Variants in GATA4 observed in about 807,000 individuals in gnomAD.
GATA4 encodes GATA binding protein 4.
A neutral mutation model predicts 37.9 loss-of-function variants in GATA4; 7 were observed. That is an observed-to-expected ratio of 0.18 (90% CI 0.11 to 0.35). GATA4 has a LOEUF of 0.35. GATA4 is among the 10% of genes least tolerant of loss of function. GATA4 has a pLI of 1.00. For synonymous variants in GATA4, 372 were observed against 292.6 expected, an observed-to-expected ratio of 1.27 and a Z score of -2.77; for missense variants, 647 against 653.0, an observed-to-expected ratio of 0.99 and a Z score of 0.10.
chr8:11,739,035 T>G (rs1032671855), intron 2 of GATA4, among the ~76,000 whole-genome samples: 1 of 152,190 alleles, frequency 6.6e-6, no homozygotes, highest in Non-Finnish European at 1.5e-5. Context: ...TGAGCCCAGA[T>G]GGGGATGCCA....
At chr8:11,691,915 GAAA>G, upstream of GATA4, 1 of 525,236 alleles carries the variant, frequency 1.9e-6, no homozygotes, top group Non-Finnish European at 2.4e-6. Flanking sequence ...AAAGAGGGAA[GAAA>G]AAAAAAAAAT....
At chr8:11,743,156 T>C (rs1333861226) in intron 2 of GATA4, among the ~76,000 whole-genome samples, 2 of 152,252 alleles carry the variant, frequency 1.3e-5, no homozygotes, top group African/African-American at 4.8e-5. Flanking sequence ...GGCACCACTG[T>C]GAGGCCCAGG....
chr8:11,701,537 G>T (rs1799676679), upstream of GATA4, among the ~76,000 whole-genome samples: 2 of 152,170 alleles, frequency 1.3e-5, no homozygotes, highest in South Asian at 4.1e-4. Context: ...CCCCGCTCCT[G>T]GCAACGCACA....
intron 2 of GATA4, among the ~76,000 whole-genome samples, chr8:11,732,969 C>G (rs936049832): frequency 2.6e-5 from 4 of 152,152 alleles, no homozygotes; most frequent in Admixed American, 1.3e-4. Flanking sequence ...CTCCAAATAC[C>G]ATCACATGTG....
chr8:11,691,843 A>T (rs985611063), upstream of GATA4, among the ~76,000 whole-genome samples: 18 of 152,256 alleles, frequency 1.2e-4, no homozygotes, highest in East Asian at 3.9e-4. Flanking sequence ...GTTTCCCAGT[A>T]CTTAAGGCAC....
chr8:11,711,977 A>C (rs1236694273), intron 2 of GATA4, among the ~76,000 whole-genome samples: 2 of 152,072 alleles, frequency 1.3e-5, no homozygotes, highest in Non-Finnish European at 2.9e-5. Flanking sequence ...ACAGGGTTTT[A>C]AAGTTGGGCA....
intron 2 of GATA4, among the ~76,000 whole-genome samples, chr8:11,737,503 C>T (rs924629008): frequency 6.6e-6 from 1 of 152,244 alleles, no homozygotes; most frequent in African/African-American, 2.4e-5. Context: ...ACTAGCCCAG[C>T]TTAAGTCTCC....
At position 11,708,970 on chromosome 8, in the gene GATA4, C is replaced by CGCGTG; in HGVS notation, c.616+42_616+43insGCGTG. The CGCGTG allele has an allele frequency of 6.6e-7, 1 of 1,506,522 alleles. No homozygotes were observed. Among genetic ancestry groups the CGCGTG allele is most frequent in the South Asian group, 1.2e-5 (1 of 81,242 alleles). 93.3% of individuals were successfully genotyped at this position (1,506,522 alleles called of 1,614,324 possible). A position where few individuals can be genotyped will look rare whatever the true frequency, so the allele number is the denominator to read the frequency against. On this transcript the variant is annotated intron_variant, in intron 2 of 6. Coordinates refer to ENST00000532059, the MANE Select transcript of GATA4 (RefSeq NM_001308093.3). This position sits in a 1 kb window ranked among gnomAD's most constrained non-coding sequence, Gnocchi z 6.7. ...GGGCTGGGGCGCGTGAGGGCCGGGG[C>CGCGTG]AGGGGCCGTCTTGAGCCCTGTCGAG...
chr8:11,706,598 G>A (rs777810573), intron 1 of GATA4, among the ~76,000 whole-genome samples: 9 of 152,316 alleles, frequency 5.9e-5, no homozygotes, highest in South Asian at 4.1e-4. Flanking sequence ...TGTTTATTCC[G>A]TAAGTCTCAG....
intron 1 of GATA4, among the ~76,000 whole-genome samples, chr8:11,686,214 C>CT (rs1175758331): frequency 5.6e-4 from 66 of 118,470 alleles, no homozygotes; most frequent in Middle Eastern, 4.2e-3. Flanking sequence ...TGTACTGGGT[C>CT]TGTTTTTTTT....
chr8:11,679,914 T>A (rs1020102995), intron 1 of GATA4, among the ~76,000 whole-genome samples: 6 of 152,204 alleles, frequency 3.9e-5, no homozygotes, highest in African/African-American at 1.4e-4. Flanking sequence ...TAATCCCTGT[T>A]GTGTGTCGCC....
chr8:11,681,098 C>T (rs994424154), intron 1 of GATA4: 2 of 979,138 alleles, frequency 2.0e-6, no homozygotes, highest in African/African-American at 3.5e-5. Flanking sequence ...GGGTGGCGCC[C>T]CAGGCTCGCA....
chr8:11,753,935 C>A (rs1210179737), intron 4 of GATA4, among the ~76,000 whole-genome samples: 5 of 152,166 alleles, frequency 3.3e-5, no homozygotes, highest in Admixed American at 6.5e-5. Context: ...CAGTCCTGCT[C>A]CCCAGGACTG....
At chr8:11,701,979 C>T (rs1267674407), upstream of GATA4, among the ~76,000 whole-genome samples, 1 of 152,198 alleles carries the variant, frequency 6.6e-6, no homozygotes, top group African/African-American at 2.4e-5. Flanking sequence ...GGTGTGGCAG[C>T]GGCCATCCAC....
upstream of GATA4, among the ~76,000 whole-genome samples, chr8:11,701,763 C>T (rs1395049861): frequency 1.3e-5 from 2 of 152,080 alleles, no homozygotes; most frequent in African/African-American, 2.4e-5. Context: ...CAGGCGACTT[C>T]CAGAGACAGC....
At position 11,749,843 on chromosome 8, in the gene GATA4, C is replaced by G. The variant is rs3735817; in HGVS notation, c.787-268C>G. On this transcript the variant is annotated intron_variant, in intron 3 of 6. Transcript: ENST00000532059. The surrounding 1 kb of genome is among the most constrained non-coding windows in gnomAD (Gnocchi z 4.6). ...CGGCGCTCACTGGTTATTCGCCTGACGGTGAATGATGGTTAGGACTGGAAA... is the reference window on the plus strand; with the variant it reads ...CGGCGCTCACTGGTTATTCGCCTGAGGGTGAATGATGGTTAGGACTGGAAA... 6.6e-5 allele frequency among the ~76,000 whole-genome samples: 10 copies of G among 152,092 alleles called. No individual in the cohort carries two copies. The highest frequency in any genetic ancestry group is 1.3e-4 in the Non-Finnish European group (9 of 68,000).
intron 2 of GATA4, among the ~76,000 whole-genome samples, chr8:11,726,349 C>A (rs1800923674): frequency 6.6e-6 from 1 of 152,152 alleles, no homozygotes. Flanking sequence ...AGCAAAGGCG[C>A]CCAAAACCTA....
intron 1 of GATA4, among the ~76,000 whole-genome samples, chr8:11,683,316 T>A (rs1799036950): frequency 6.6e-6 from 1 of 152,116 alleles, no homozygotes; most frequent in African/African-American, 2.4e-5. Context: ...ATCAGAGAGT[T>A]TTGTGCTAAA....
At chr8:11,719,914 A>G (rs1341754344) in intron 2 of GATA4, among the ~76,000 whole-genome samples, 1 of 152,158 alleles carries the variant, frequency 6.6e-6, no homozygotes, top group Non-Finnish European at 1.5e-5. Context: ...ACTAAAGCAT[A>G]TTTGTAAGTT....
Sources: gnomAD v4.1 joint callset for allele counts (sites outside exome capture counted in the v4.1 genomes callset) on GRCh38, gnomAD v4.1.1 for gene constraint, Gnocchi (gnomAD v3.1) non-coding constraint, MANE v1.5 for transcripts, NCBI Gene and HGNC (gene_info 2026-07-23, HGNC 2026-07-21) for gene names.